Variants in TBX15 observed in about 807,000 individuals in gnomAD.
The protein encoded by TBX15 is T-box transcription factor 15, also known as T-box transcription factor TBX15.
TBX15 carries 18 observed loss-of-function variants against 53.9 expected under a neutral mutation model. That is an observed-to-expected ratio of 0.33 (90% confidence interval 0.23 to 0.49). TBX15 has a LOEUF of 0.49. Among genes scored for constraint, TBX15 ranks in the 20% least tolerant of loss-of-function variants. The probability of loss-of-function intolerance (pLI) is 0.98; values close to 1 mark genes in which losing one functional copy is unlikely to be tolerated. For synonymous variants in TBX15, 295 were observed against 278.0 expected (o/e 1.06, Z -0.61); for missense variants, 692 against 749.5 (o/e 0.92, Z 0.90).
chr1:118,940,713 G>A (rs1212574864), intron 1 of TBX15, among the ~76,000 whole-genome samples: 1 of 127,368 alleles, frequency 7.9e-6, no homozygotes, highest in South Asian at 2.5e-4. Flanking sequence ...CAATGACCAA[G>A]CATATCAGAA....
chr1:118,896,195 C>A (rs997005228), intron 7 of TBX15, among the ~76,000 whole-genome samples: 1 of 148,764 alleles, frequency 6.7e-6, no homozygotes, highest in Admixed American at 6.6e-5. Context: ...ACACTGGACA[C>A]CCCTGTACTA....
chr1:118,914,261 C>A, intron 5 of TBX15, 82 bp from the exon 6 acceptor site: 3 of 1,271,790 alleles, frequency 2.4e-6, no homozygotes, highest in Non-Finnish European at 3.4e-6. Context: ...ACAAAAATCA[C>A]TTTTTTAATA....
intron 1 of TBX15, among the ~76,000 whole-genome samples, chr1:118,971,936 T>C (rs1172600514): frequency 6.6e-6 from 1 of 152,236 alleles, no homozygotes; most frequent in African/African-American, 2.4e-5. Flanking sequence ...CTATAAATGA[T>C]AAAGGCAGGA....
intron 1 of TBX15, among the ~76,000 whole-genome samples, chr1:118,937,247 T>A (rs777009519): frequency 6.6e-6 from 1 of 152,274 alleles, no homozygotes; most frequent in Non-Finnish European, 1.5e-5. Context: ...GTTTAGATTA[T>A]GTAAAGGTAG....
intron 6 of TBX15, among the ~76,000 whole-genome samples, chr1:118,901,869 A>G (rs1386485778): frequency 6.6e-6 from 1 of 152,162 alleles, no homozygotes; most frequent in Non-Finnish European, 1.5e-5. Flanking sequence ...TTCCTTAGCT[A>G]ACGAACATAA....
In TBX15 at chr1:118,987,971, C is replaced by T; in HGVS notation, c.-176G>A. On this transcript the variant is annotated 5_prime_UTR_variant, in exon 1 of 8. Coordinates refer to ENST00000369429, the MANE Select transcript of TBX15 (RefSeq NM_001330677.2). Reference sequence around the variant, plus strand: ...TCCCCCTGCGTCCTCCTCCGCCCTCCTCTGCCGGATCCGACCTGCGCCCCT... The same window carrying T: ...TCCCCCTGCGTCCTCCTCCGCCCTCTTCTGCCGGATCCGACCTGCGCCCCT... 1 of 780,396 alleles carries T rather than the reference C, an allele frequency of 1.3e-6. No individual in the cohort carries two copies. The highest frequency in any genetic ancestry group is 2.0e-6 in the Non-Finnish European group (1 of 501,090). 48.3% of individuals were successfully genotyped at this position (780,396 alleles called of 1,614,324 possible).
intron 1 of TBX15, among the ~76,000 whole-genome samples, chr1:118,975,730 C>G (rs771096849): frequency 6.6e-6 from 1 of 152,192 alleles, no homozygotes; most frequent in Non-Finnish European, 1.5e-5. Flanking sequence ...CCACACAGTA[C>G]CTGGTACAGA....
chr1:118,953,067 G>A (rs1240256063), intron 1 of TBX15, among the ~76,000 whole-genome samples: 3 of 141,668 alleles, frequency 2.1e-5, no homozygotes, highest in Admixed American at 1.5e-4. Context: ...ATGTTGCCAA[G>A]GAATAGTTTC....
At chr1:118,931,381 T>C (rs907711815) in intron 2 of TBX15, among the ~76,000 whole-genome samples, 1 of 152,214 alleles carries the variant, frequency 6.6e-6, no homozygotes, top group Non-Finnish European at 1.5e-5. Flanking sequence ...AATACATTTG[T>C]AGGTGGAAAA....
At chr1:118,943,832 C>T (rs1656263736) in intron 1 of TBX15, among the ~76,000 whole-genome samples, 1 of 152,096 alleles carries the variant, frequency 6.6e-6, no homozygotes, top group African/African-American at 2.4e-5. Context: ...GGAGCACGAG[C>T]AGGAGGCCTG....
In TBX15 at chr1:118,885,072, G is replaced by A. The variant is rs139082085; in HGVS notation, c.1469C>T (p.Ser490Phe). ...VMQAGNAASS[S>F]SSPHMFGGSH... is the part of the protein sequence containing the mutation. ...GCCCCCGAACATGTGTGGTGATGAG[G>A]AGCTGGAGGCAGCATTGCCTGCCTG... The change falls in exon 8 of 8, where the codon TCC becomes TTC. Residue 490 changes from serine (S) to phenylalanine (F), a missense_variant. Ser to Phe is a radical substitution (Grantham distance 155, BLOSUM62 -2). Transcript: ENST00000369429. 1 of 1,614,036 alleles carries A rather than the reference G, an allele frequency of 6.2e-7. No individual in the cohort carries two copies. Among genetic ancestry groups the A allele is most frequent in the Non-Finnish European group, 8.5e-7 (1 of 1,180,044 alleles).
chr1:118,933,533 C>A (rs17022817), intron 1 of TBX15, among the ~76,000 whole-genome samples: 1,624 of 150,218 alleles, frequency 0.011, 34 homozygotes, highest in African/African-American at 0.038. Context: ...ATACCTAGGA[C>A]TAAGTAGCAG....
intron 1 of TBX15, among the ~76,000 whole-genome samples, chr1:118,934,410 A>G (rs1032357135): frequency 6.6e-6 from 1 of 152,218 alleles, no homozygotes; most frequent in Non-Finnish European, 1.5e-5. Context: ...ATAAGGGTTT[A>G]TAGTTTCAAT....
Position 118,987,673 on chromosome 1 carries a change from G to A in TBX15, c.123C>T (p.Asp41=), listed in dbSNP as rs1163786914. The A allele has an allele frequency of 7.1e-6, 11 of 1,550,356 alleles. No homozygotes were observed. Among genetic ancestry groups the A allele is most frequent in the Non-Finnish European group, 9.6e-6 (11 of 1,146,846 alleles). Residue 41 remains aspartate, a synonymous_variant, in exon 1 of 8, where the codon GAC becomes GAT. Transcript: ENST00000369429. ...CGGGGCTCAGCGCCTCCATAGACAG[G>A]TCCAGCCCCTTCTCCTCCCAGTCTC... The part of the protein sequence containing the change: ...KLRDWEEKGL[D]LSMEALSPAG...
At chr1:118,931,278 A>T (rs2101612634) in intron 2 of TBX15, among the ~76,000 whole-genome samples, 1 of 152,344 alleles carries the variant, frequency 6.6e-6, no homozygotes, top group East Asian at 1.9e-4. Flanking sequence ...TGGGAAGCAA[A>T]CTTCTTGAAA....
At chr1:118,938,407 A>G (rs1656035567) in intron 1 of TBX15, among the ~76,000 whole-genome samples, 1 of 152,204 alleles carries the variant, frequency 6.6e-6, no homozygotes. Context: ...TCAGCGATAC[A>G]TAGAACCACA....
At position 118,885,345 on chromosome 1, in the gene TBX15, T is replaced by A; in HGVS notation, c.1196A>T (p.Tyr399Phe). Residue 399 changes from tyrosine to phenylalanine, a missense_variant, in exon 8 of 8, where the codon TAT becomes TTT. Physicochemically the swap from Tyr to Phe is conservative, Grantham distance 22 (BLOSUM62 3). This residue lies in a region of TBX15 where 375 missense variants were observed against 371.6 expected (regional missense o/e 1.01). Coordinates refer to ENST00000369429, the MANE Select transcript of TBX15 (RefSeq NM_001330677.2). ...SQLCNLNLSDYPPCARSNMAA... is the reference protein window; with the variant it reads ...SQLCNLNLSDFPPCARSNMAA... Reference sequence around the variant, plus strand: ...CATGTTGCTTCGGGCACATGGTGGATAATCAGAGAGGTTTAGATTACACAG... The same window carrying A: ...CATGTTGCTTCGGGCACATGGTGGAAAATCAGAGAGGTTTAGATTACACAG... The A allele has an allele frequency of 6.2e-7, 1 of 1,614,032 alleles. No individual in the cohort carries two copies. Among genetic ancestry groups the A allele is most frequent in the Non-Finnish European group, 8.5e-7 (1 of 1,180,030 alleles).
chr1:118,965,512 G>T (rs1236943067), intron 1 of TBX15, among the ~76,000 whole-genome samples: 1 of 152,106 alleles, frequency 6.6e-6, no homozygotes, highest in African/African-American at 2.4e-5. Context: ...TTTCGGGAGG[G>T]TAATCTGGAA....
At chr1:118,963,805 G>T (rs775815771) in intron 1 of TBX15, among the ~76,000 whole-genome samples, 71 of 152,218 alleles carry the variant, frequency 4.7e-4, no homozygotes, top group Non-Finnish European at 5.4e-4. Context: ...AACATGACTT[G>T]CTTTAGCCAA....
Sources: gnomAD v4.1 joint callset for allele counts (sites outside exome capture counted in the v4.1 genomes callset) on GRCh38, gnomAD v4.1.1 for gene constraint, gnomAD v4.1.1 regional missense constraint, MANE v1.5 for transcripts, NCBI Gene and HGNC (gene_info 2026-07-23, HGNC 2026-07-21) for gene names.